PTPRD: variants seen among roughly 807,000 people sequenced by gnomAD.
PTPRD encodes receptor-type tyrosine-protein phosphatase delta.
A neutral mutation model predicts 214.5 loss-of-function variants in PTPRD; 34 were observed. That is an observed-to-expected ratio of 0.16 (90% CI 0.12 to 0.21). PTPRD has a LOEUF of 0.21. Ranked by LOEUF, PTPRD falls within the 10% of genes least tolerant of loss-of-function variation. The pLI is 1.00. For missense variants in PTPRD, 2,545 were observed against 2,398.7 expected (o/e 1.06, Z -1.27); for synonymous variants, 1,128 against 845.7 (o/e 1.33, Z -5.79).
At chr9:9,268,909 A>T (rs971275533) in intron 9 of PTPRD, among the ~76,000 whole-genome samples, 8 of 151,114 alleles carry the variant, frequency 5.3e-5, no homozygotes, top group African/African-American at 1.9e-4. Context: ...GAATTCCAGA[A>T]GAAAACATAG....
chr9:10,198,439 T>A (rs1028349758), intron 3 of PTPRD, among the ~76,000 whole-genome samples: 1 of 151,942 alleles, frequency 6.6e-6, no homozygotes, highest in African/African-American at 2.4e-5. Context: ...CAGTAACAAA[T>A]GGAGTACAGT....
At chr9:10,219,944 G>A (rs913752561) in intron 3 of PTPRD, among the ~76,000 whole-genome samples, 5 of 151,188 alleles carry the variant, frequency 3.3e-5, no homozygotes, top group Admixed American at 6.6e-5. Flanking sequence ...TATACAATCT[G>A]GATAGGAGTA....
chr9:8,498,645 T>A (rs2136708408), intron 25 of PTPRD, among the ~76,000 whole-genome samples: 1 of 152,330 alleles, frequency 6.6e-6, no homozygotes, highest in East Asian at 1.9e-4. Context: ...TCAAATGTTT[T>A]TACAAACTCC....
Position 8,501,065 on chromosome 9 carries a change from T to G in PTPRD, c.1823-6A>C. Reference sequence around the variant, plus strand: ...TTGAGGAGGAGCTGACGGCTCTTATTTTGGTAGTGAGTTAAAGGAGGATTT... The same window carrying G: ...TTGAGGAGGAGCTGACGGCTCTTATGTTGGTAGTGAGTTAAAGGAGGATTT... On this transcript the variant is annotated splice_polypyrimidine_tract_variant and splice_region_variant and intron_variant, in intron 23 of 45. Transcript: ENST00000381196. 1 of 1,609,066 alleles carries G rather than the reference T, an allele frequency of 6.2e-7. No individual in the cohort carries two copies. The highest frequency in any genetic ancestry group is 1.3e-5 in the African/African-American group (1 of 74,796).
At position 9,290,664 on chromosome 9, in the gene PTPRD, G is replaced by C. The variant is rs188303050; in HGVS notation, c.-203+106785C>G. 4.9e-3 allele frequency among the ~76,000 whole-genome samples: 750 copies of C among 151,570 alleles called. 4 individuals are homozygous for C. The highest frequency in any genetic ancestry group is 0.017 in the African/African-American group (715 of 41,458). ...AAAGCCAAACTCGGTTAATGACTCT[G>C]TATGTAAATACTTTGAATCAATGAT... On this transcript the variant is annotated intron_variant, in intron 9 of 45. Transcript: ENST00000381196.
In PTPRD at chr9:8,792,044, C is replaced by A. The variant is rs1318802459; in HGVS notation, c.-103-58098G>T. ...AATGTGTGAAATTATCTGTCACAAT[C>A]ATTTCTTAAGGGCGGAAAAAAAGCT... On this transcript the variant is annotated intron_variant, in intron 11 of 45. Transcript: ENST00000381196. Among the ~76,000 whole-genome samples the A allele has an allele frequency of 2.6e-5, 4 of 152,084 alleles. No homozygotes were observed. The East Asian group carries it at 7.7e-4, about 29-fold the overall frequency.
At position 8,672,284 on chromosome 9, in the gene PTPRD, A is replaced by G. The variant is rs117303647; in HGVS notation, c.65-35440T>C. Reference sequence around the variant, plus strand: ...CTCTAATTAAACAGAATGAGATTCAAGTAGTTTATGCAAATGGGTTTTCAT... The same window carrying G: ...CTCTAATTAAACAGAATGAGATTCAGGTAGTTTATGCAAATGGGTTTTCAT... On this transcript the variant is annotated intron_variant, in intron 12 of 45. Coordinates refer to ENST00000381196, the MANE Select transcript of PTPRD (RefSeq NM_002839.4). Among the ~76,000 whole-genome samples the G allele has an allele frequency of 2.2e-3, 334 of 152,312 alleles. 3 individuals carry two copies. Among genetic ancestry groups the G allele is most frequent in the East Asian group, 0.019 (96 of 5,182 alleles).
intron 37 of PTPRD, among the ~76,000 whole-genome samples, chr9:8,382,095 C>T (rs1325602601): frequency 2.0e-5 from 3 of 152,170 alleles, no homozygotes; most frequent in African/African-American, 7.2e-5. Flanking sequence ...TCCAGTGTCA[C>T]CTCTTCCAAA....
At chr9:10,002,622 C>CTCTT (rs1248430956) in intron 4 of PTPRD, among the ~76,000 whole-genome samples, 1 of 150,228 alleles carries the variant, frequency 6.7e-6, no homozygotes, top group Non-Finnish European at 1.5e-5. Flanking sequence ...AAAATGGTCA[C>CTCTT]TCTTTAAGGA....
In PTPRD at chr9:9,827,713, A is replaced by G. The variant is rs1351796273; in HGVS notation, c.-367-60862T>C. The stretch of plus-strand genomic sequence containing the variant: ...AGCAAAAGAAACTATCATCAGAATG[A>G]ACAGAAAACCTACAGAATGGGAGAA... On this transcript the variant is annotated intron_variant, in intron 5 of 45. Coordinates refer to ENST00000381196, the MANE Select transcript of PTPRD (RefSeq NM_002839.4). Among the ~76,000 whole-genome samples the G allele has an allele frequency of 1.1e-4, 16 of 152,302 alleles. 1 individual carries two copies. The East Asian group carries it at 3.1e-3, about 29-fold the overall frequency.
At chr9:9,361,234 T>C (rs550132252) in intron 9 of PTPRD, among the ~76,000 whole-genome samples, 8 of 151,262 alleles carry the variant, frequency 5.3e-5, no homozygotes, top group African/African-American at 1.7e-4. Context: ...TCCTTACAGT[T>C]GAAAATGCCC....
intron 3 of PTPRD, among the ~76,000 whole-genome samples, chr9:10,239,481 AT>A: frequency 6.6e-6 from 1 of 152,034 alleles, no homozygotes; most frequent in South Asian, 2.1e-4. Flanking sequence ...TCTGCTTTTC[AT>A]TTTAAGTGGG....
intron 14 of PTPRD, among the ~76,000 whole-genome samples, chr9:8,561,583 C>CCAGGGCTGAG (rs1212906438): frequency 1.3e-5 from 2 of 152,070 alleles, no homozygotes; most frequent in Non-Finnish European, 2.9e-5. Context: ...AGCAGCAGGC[C>CCAGGGCTGAG]CAGGGCTGAG....
At chr9:10,597,614 G>T (rs376460220) in intron 2 of PTPRD, among the ~76,000 whole-genome samples, 2 of 151,668 alleles carry the variant, frequency 1.3e-5, no homozygotes, top group East Asian at 3.9e-4. Context: ...TTTAATTAAC[G>T]CATTCTGCAC....
At chr9:9,349,914 C>G (rs2050453869) in intron 9 of PTPRD, among the ~76,000 whole-genome samples, 1 of 152,106 alleles carries the variant, frequency 6.6e-6, no homozygotes, top group Admixed American at 6.6e-5. Flanking sequence ...TAAAAGGAAG[C>G]ACTGTCTATA....
At chr9:8,619,911 TAG>T (rs1564765793) in intron 14 of PTPRD, among the ~76,000 whole-genome samples, 1 of 152,012 alleles carries the variant, frequency 6.6e-6, no homozygotes, top group East Asian at 1.9e-4. Context: ...GAATAAACTT[TAG>T]AGTCAGAAAA....
chr9:9,555,502 A>ATGTG (rs2081301083), intron 8 of PTPRD, among the ~76,000 whole-genome samples: 1 of 152,096 alleles, frequency 6.6e-6, no homozygotes, highest in African/African-American at 2.4e-5. Flanking sequence ...ACACACATAA[A>ATGTG]CATATACACA....
chr9:8,550,098 T>C (rs2081556214), intron 14 of PTPRD, among the ~76,000 whole-genome samples: 2 of 152,202 alleles, frequency 1.3e-5, no homozygotes, highest in African/African-American at 4.8e-5. Flanking sequence ...TGTTTAGTTT[T>C]TACTGTATTC....
At chr9:10,073,362 G>A (rs546847348) in intron 3 of PTPRD, among the ~76,000 whole-genome samples, 18 of 152,094 alleles carry the variant, frequency 1.2e-4, no homozygotes, top group African/African-American at 3.9e-4. Context: ...AAAACTAAAA[G>A]CAAAGGAAAT....
Sources: gnomAD v4.1 joint callset for allele counts (sites outside exome capture counted in the v4.1 genomes callset) on GRCh38, gnomAD v4.1.1 for gene constraint, MANE v1.5 for transcripts, NCBI Gene and HGNC (gene_info 2026-07-23, HGNC 2026-07-21) for gene names.